Variants in PLD1 observed in about 807,000 individuals in gnomAD.
PLD1 encodes the protein choline phosphatase 1.
PLD1 carries 112 observed loss-of-function variants against 137.1 expected under a neutral mutation model. The ratio of observed to expected loss-of-function variants is 0.82; its 90% CI spans 0.70 to 0.96. The LOEUF (loss-of-function observed/expected upper bound fraction) is 0.96. Among genes scored for constraint, PLD1 ranks in the 40% least tolerant of loss-of-function variants. The probability of loss-of-function intolerance (pLI) is 0.00; values close to 1 mark genes in which losing one functional copy is unlikely to be tolerated. For synonymous variants in PLD1, 431 were observed against 454.7 expected, an observed-to-expected ratio of 0.95 and a Z score of 0.66; for missense variants, 1,321 against 1,342.0, an observed-to-expected ratio of 0.98 and a Z score of 0.24.
intron 21 of PLD1, among the ~76,000 whole-genome samples, chr3:171,655,319 C>G (rs1328103812): frequency 6.6e-6 from 1 of 152,006 alleles, no homozygotes; most frequent in Non-Finnish European, 1.5e-5. Flanking sequence ...AAGGGGTCAC[C>G]CCAGGGTGGC....
In PLD1 at chr3:171,764,904, GAAGGAAGGAAAGAAAGA is replaced by G. The variant is rs1368670561; in HGVS notation, c.-31-26839_-31-26823del. Among the ~76,000 whole-genome samples, 41 of 27,344 alleles carry G rather than the reference GAAGGAAGGAAAGAAAGA, an allele frequency of 1.5e-3. 1 individual carries two copies. Among genetic ancestry groups the G allele is most frequent in the African/African-American group, 5.4e-3 (39 of 7,288 alleles). 17.9% of individuals were successfully genotyped at this position (27,344 alleles called of 152,430 possible). A position where few individuals can be genotyped will look rare whatever the true frequency, so the allele number is the denominator to read the frequency against. On this transcript the variant is annotated intron_variant, in intron 1 of 26. Transcript: ENST00000351298. ...GAAAGAAAGAAAGAAAGGAAGGAAG[GAAGGAAGGAAAGAAAGA>G]AAGGAAAGAAAGGAAAGAAAGAAAG...
At chr3:171,730,650 T>TC (rs1232102279) in intron 6 of PLD1, among the ~76,000 whole-genome samples, 1 of 150,874 alleles carries the variant, frequency 6.6e-6, no homozygotes, top group Non-Finnish European at 1.5e-5. Flanking sequence ...TCTCCACTTT[T>TC]TTTTTTTTGG....
intron 6 of PLD1, among the ~76,000 whole-genome samples, chr3:171,730,823 G>C (rs2108252618): frequency 6.6e-6 from 1 of 152,214 alleles, no homozygotes; most frequent in Admixed American, 6.5e-5. Flanking sequence ...ATTTTTAGTA[G>C]AGATGAGGTT....
intron 1 of PLD1, among the ~76,000 whole-genome samples, chr3:171,740,040 T>C (rs970024010): frequency 6.6e-6 from 1 of 152,202 alleles, no homozygotes; most frequent in Non-Finnish European, 1.5e-5. Context: ...TCCCAGGGTC[T>C]TTGTTTCCTC....
At position 171,622,742 on chromosome 3, in the gene PLD1, T is replaced by A. The variant is rs1285304912; in HGVS notation, c.2594-2222A>T. Among the ~76,000 whole-genome samples the A allele has an allele frequency of 5.3e-5, 8 of 150,924 alleles. 1 individual carries two copies. The highest frequency in any genetic ancestry group is 4.4e-5 in the Non-Finnish European group (3 of 67,736). On this transcript the variant is annotated intron_variant, in intron 23 of 26. Coordinates refer to ENST00000351298, the MANE Select transcript of PLD1 (RefSeq NM_002662.5). Reference sequence around the variant, plus strand: ...AGCCAATATAGTTGTATAAGAGAAATCATATAAAAAGTAAAGTCATCTTCA... The same window carrying A: ...AGCCAATATAGTTGTATAAGAGAAAACATATAAAAAGTAAAGTCATCTTCA...
chr3:171,735,335 T>TA (rs1476612071), intron 4 of PLD1, among the ~76,000 whole-genome samples, 157 bp downstream of exon 4: 4 of 152,258 alleles, frequency 2.6e-5, no homozygotes, highest in Non-Finnish European at 5.9e-5. Context: ...GAGGTCTTGC[T>TA]ACGTTACACA....
chr3:171,683,211 C>T (rs1003911620), intron 16 of PLD1, among the ~76,000 whole-genome samples: 2 of 152,168 alleles, frequency 1.3e-5, no homozygotes, highest in Non-Finnish European at 2.9e-5. Flanking sequence ...CAAATGCTGT[C>T]AGCTCGACCC....
At chr3:171,776,748 A>G (rs1359057732) in intron 1 of PLD1, among the ~76,000 whole-genome samples, 3 of 152,020 alleles carry the variant, frequency 2.0e-5, no homozygotes, top group Admixed American at 1.3e-4. Context: ...TGCTTCTTTT[A>G]CTTTTACAAG....
At chr3:171,755,441 G>A (rs1468000704) in intron 1 of PLD1, among the ~76,000 whole-genome samples, 1 of 152,052 alleles carries the variant, frequency 6.6e-6, no homozygotes, top group East Asian at 1.9e-4. Flanking sequence ...CTTCTTGAGG[G>A]TCTCTTTCCT....
chr3:171,679,523 A>C (rs889708684), intron 16 of PLD1, among the ~76,000 whole-genome samples: 17 of 152,232 alleles, frequency 1.1e-4, no homozygotes, highest in African/African-American at 4.1e-4. Context: ...GAGATAAACA[A>C]TATTTCAAAT....
At chr3:171,651,532 A>G (rs1449421693) in intron 21 of PLD1, among the ~76,000 whole-genome samples, 1 of 152,214 alleles carries the variant, frequency 6.6e-6, no homozygotes, top group Non-Finnish European at 1.5e-5. Context: ...TGACTAGTCC[A>G]CTAGAAATGC....
At chr3:171,751,703 T>C (rs1720671529) in intron 1 of PLD1, among the ~76,000 whole-genome samples, 1 of 152,218 alleles carries the variant, frequency 6.6e-6, no homozygotes, top group South Asian at 2.1e-4. Flanking sequence ...AATAACCTTT[T>C]AGAAAGTAAT....
chr3:171,781,593 C>CACAA (rs1472947691), intron 1 of PLD1, among the ~76,000 whole-genome samples: 2 of 152,140 alleles, frequency 1.3e-5, no homozygotes, highest in African/African-American at 4.8e-5. Context: ...ACTGGACATC[C>CACAA]ACAAAGGAAG....
At chr3:171,610,355 G>T (rs896770537) in intron 25 of PLD1, among the ~76,000 whole-genome samples, 1 of 152,128 alleles carries the variant, frequency 6.6e-6, no homozygotes, top group African/African-American at 2.4e-5. Context: ...ATGTAGGCCT[G>T]CAAAATTCTA....
At chr3:171,713,820 TAC>T in intron 9 of PLD1, 71 bp downstream of exon 9, 1 of 1,317,504 alleles carries the variant, frequency 7.6e-7, no homozygotes. Context: ...ACTCCTTTTT[TAC>T]TTAAGGTTGA....
intron 11 of PLD1, among the ~76,000 whole-genome samples, chr3:171,707,001 A>G (rs559166969): frequency 6.6e-6 from 1 of 152,362 alleles, no homozygotes; most frequent in African/African-American, 2.4e-5. Flanking sequence ...AAAGAATGAG[A>G]TCATGTCCTT....
intron 23 of PLD1, among the ~76,000 whole-genome samples, chr3:171,631,412 G>A (rs1734647983): frequency 6.6e-6 from 1 of 151,950 alleles, no homozygotes; most frequent in African/African-American, 2.4e-5. Context: ...CTGTGGGATT[G>A]GAATTGGAGA....
In PLD1 at chr3:171,612,226, C is replaced by A; in HGVS notation, c.2882+53G>T. 1 of 1,574,614 alleles carries A rather than the reference C, an allele frequency of 6.4e-7. No individual in the cohort carries two copies. The highest frequency in any genetic ancestry group is 8.7e-7 in the Non-Finnish European group (1 of 1,149,510). On this transcript the variant is annotated intron_variant, in intron 25 of 26. Transcript: ENST00000351298. This position sits in a 1 kb window ranked among gnomAD's most constrained non-coding sequence, Gnocchi z 4.1. Reference sequence around the variant, plus strand: ...GCTCAGGGCTAGCGGGGCTGGGTCCCAGCGACTGCTGCAGTGGAAATGCAT... The same window carrying A: ...GCTCAGGGCTAGCGGGGCTGGGTCCAAGCGACTGCTGCAGTGGAAATGCAT...
Position 171,746,791 on chromosome 3 carries a change from G to A in PLD1, c.-31-8709C>T, listed in dbSNP as rs566842562. Reference sequence around the variant, plus strand: ...CCAATCAGCTCTCTGTAAAATGGACGAATCAGCAGAATGTGGGTGGGCCCA... The same window carrying A: ...CCAATCAGCTCTCTGTAAAATGGACAAATCAGCAGAATGTGGGTGGGCCCA... On this transcript the variant is annotated intron_variant, in intron 1 of 26. Transcript: ENST00000351298. 1.1e-3 allele frequency among the ~76,000 whole-genome samples: 163 copies of A among 152,332 alleles called. 1 individual carries two copies. Among genetic ancestry groups the A allele is most frequent in the African/African-American group, 3.8e-3 (159 of 41,568 alleles).
Sources: allele counts gnomAD v4.1 joint callset (sites outside exome capture counted in the v4.1 genomes callset), GRCh38; gene constraint gnomAD v4.1.1; non-coding constraint Gnocchi (gnomAD v3.1); transcripts MANE v1.5; gene names NCBI Gene and HGNC (gene_info 2026-07-23, HGNC 2026-07-21).